The following CCDC92 variants were observed in gnomAD, a reference collection of about 807,000 sequenced individuals.
CCDC92 encodes coiled-coil domain containing 92, also known as coiled-coil domain-containing protein 92.
In CCDC92, 12 loss-of-function variants were observed where a neutral mutation model predicts 24.9. The ratio of observed to expected loss-of-function variants is 0.48; its 90% confidence interval spans 0.31 to 0.78. The LOEUF is 0.78. CCDC92 is among the 30% of genes least tolerant of loss of function. The pLI, the probability that CCDC92 is intolerant of heterozygous loss-of-function variation, is 0.05. For missense variants in CCDC92, 399 were observed against 439.4 expected (o/e 0.91, Z 0.82); for synonymous variants, 193 against 196.3 (o/e 0.98, Z 0.14).
intron 1 of CCDC92, among the ~76,000 whole-genome samples, chr12:123,952,112 C>T (rs1277076752): frequency 6.6e-6 from 1 of 152,178 alleles, no homozygotes; most frequent in East Asian, 1.9e-4. Flanking sequence ...GTGCTAAAAG[C>T]AACCAGGACG....
intron 1 of CCDC92, 45 bp from the exon 2 acceptor site, chr12:123,944,409 A>C: frequency 9.5e-7 from 1 of 1,053,676 alleles, no homozygotes; most frequent in Non-Finnish European, 1.3e-6. Context: ...TATTATTGTA[A>C]ATACAGAACC....
chr12:123,937,447 G>A lies in CCDC92; in HGVS notation c.607C>T (p.Arg203Cys), dbSNP rs1470526730. Reference sequence around the variant, plus strand: ...GAGAGGCTCTTTTTCATGCGGCGGCGAGGCGTTTCGGGTAGCTTGTCTTTG... The same window carrying A: ...GAGAGGCTCTTTTTCATGCGGCGGCAAGGCGTTTCGGGTAGCTTGTCTTTG... ...PPKDKLPETP[R>C]RRMKKSLSAP... The change falls in exon 5 of 5, where the codon CGC becomes TGC. Residue 203 changes from arginine (R) to cysteine (C), a missense_variant. By Grantham distance (180) the Arg-to-Cys change is radical. Transcript: ENST00000238156. The surrounding 1 kb of genome is among the most constrained non-coding windows in gnomAD (Gnocchi z 8.4). 6 of 1,613,498 alleles carry A rather than the reference G, an allele frequency of 3.7e-6. No homozygotes were observed. The highest frequency in any genetic ancestry group is 1.1e-5 in the South Asian group (1 of 91,072).
chr12:123,948,055 G>A (rs752239072), intron 1 of CCDC92, among the ~76,000 whole-genome samples: 7 of 152,104 alleles, frequency 4.6e-5, no homozygotes, highest in Non-Finnish European at 1.0e-4. Context: ...GAGGGTCTGC[G>A]GCTTCATTCT....
chr12:123,947,381 C>G (rs879809711), intron 1 of CCDC92, among the ~76,000 whole-genome samples: 4 of 152,238 alleles, frequency 2.6e-5, no homozygotes, highest in African/African-American at 9.6e-5. Context: ...GCTCCACCTG[C>G]AGCCCCGGTG....
At chr12:123,971,588 A>G (rs1956538231) in intron 1 of CCDC92, 1 of 152,228 alleles carries the variant, frequency 6.6e-6, no homozygotes, top group Non-Finnish European at 1.5e-5. Flanking sequence ...TTTGTTATAA[A>G]ACCGACTACT....
chr12:123,939,210 C>T (rs1167129596), intron 4 of CCDC92, among the ~76,000 whole-genome samples: 2 of 152,234 alleles, frequency 1.3e-5, no homozygotes, highest in African/African-American at 4.8e-5. Context: ...AACTCCACCA[C>T]CCAGGGCCTG....
chr12:123,945,664 TC>T (rs1566155022), intron 1 of CCDC92: 1 of 152,114 alleles, frequency 6.6e-6, no homozygotes, highest in East Asian at 1.9e-4. Context: ...CACTCAGCAA[TC>T]CGGAGTCGTT....
At chr12:123,947,351 C>T (rs549878076) in intron 1 of CCDC92, among the ~76,000 whole-genome samples, 248 of 152,322 alleles carry the variant, frequency 1.6e-3, no homozygotes, top group African/African-American at 5.7e-3. Context: ...TGCAAACGTA[C>T]GGCGCGGGAC....
rs767440353 is a variant in CCDC92, at chr12:123,937,276, C to A, written c.778G>T (p.Glu260Ter). 6.2e-7 allele frequency: 1 copy of A among 1,612,654 alleles called. No individual in the cohort carries two copies. ...ATGGGGGGGATGACGAGGGGCCTCT[C>A]TTTGATGAGGTGGACCTCGGCGGAC... ...RESAEVHLIK[E>*]RPLVIPPIAS... Residue 260 changes from glutamate (E) to a stop codon, truncating the protein, a stop_gained, in exon 5 of 5, where the codon GAG (glutamate) becomes TAG (stop). Coordinates refer to ENST00000238156, the MANE Select transcript of CCDC92 (RefSeq NM_025140.3). LOFTEE classifies it high-confidence loss of function. This position sits in a 1 kb window ranked among gnomAD's most constrained non-coding sequence, Gnocchi z 8.4.
intron 1 of CCDC92, among the ~76,000 whole-genome samples, chr12:123,955,316 T>C (rs1594486870): frequency 6.6e-6 from 1 of 152,234 alleles, no homozygotes; most frequent in East Asian, 1.9e-4. Flanking sequence ...GGTCTTTCCA[T>C]TTCCACCTCA....
chr12:123,964,564 G>T (rs1956347358), intron 1 of CCDC92, among the ~76,000 whole-genome samples: 1 of 152,130 alleles, frequency 6.6e-6, no homozygotes, highest in Non-Finnish European at 1.5e-5. Context: ...TTGGGAGTGG[G>T]GGTGGGGCAC....
chr12:123,958,539 C>A (rs1052404374), intron 1 of CCDC92, among the ~76,000 whole-genome samples: 1 of 152,240 alleles, frequency 6.6e-6, no homozygotes, highest in Admixed American at 6.5e-5. Context: ...ACTCTCATGG[C>A]AGCTCTGGGA....
At position 123,935,698 on chromosome 12, in the gene CCDC92, G is replaced by A. The variant is rs1218142223; in HGVS notation, c.*1360C>T. The stretch of plus-strand genomic sequence containing the variant: ...TAAAAGGAATTTATATAATCAAAAA[G>A]TAAATATTGGAGAGTATTTTAAGAT... On this transcript the variant is annotated 3_prime_UTR_variant, in exon 5 of 5. Transcript: ENST00000238156. 2 of 457,694 alleles carry A rather than the reference G, an allele frequency of 4.4e-6. No homozygotes were observed. Among genetic ancestry groups the A allele is most frequent in the Non-Finnish European group, 7.5e-6 (2 of 265,970 alleles). 28.4% of individuals were successfully genotyped at this position (457,694 alleles called of 1,614,324 possible). A position where few individuals can be genotyped will look rare whatever the true frequency, so the allele number is the denominator to read the frequency against.
chr12:123,953,932 G>A (rs557949010), intron 1 of CCDC92, among the ~76,000 whole-genome samples: 2 of 152,276 alleles, frequency 1.3e-5, no homozygotes, highest in Admixed American at 1.3e-4. Context: ...CTCCAGCCTG[G>A]GCAACAAGAG....
chr12:123,948,306 G>A (rs78690239), intron 1 of CCDC92, among the ~76,000 whole-genome samples: 3,032 of 152,264 alleles, frequency 0.02, 103 homozygotes, highest in African/African-American at 0.069. Context: ...ATCATAGTGT[G>A]GTATTACATT....
At chr12:123,969,010 G>T (rs1326195664) in intron 1 of CCDC92, among the ~76,000 whole-genome samples, 3 of 152,184 alleles carry the variant, frequency 2.0e-5, no homozygotes, top group Non-Finnish European at 2.9e-5. Flanking sequence ...TGGGCACTCT[G>T]GTGTTCACAG....
chr12:123,939,550 G>A (rs1231129532), intron 4 of CCDC92, among the ~76,000 whole-genome samples: 1 of 152,232 alleles, frequency 6.6e-6, no homozygotes, highest in African/African-American at 2.4e-5. Flanking sequence ...AAGTCGAGGA[G>A]TGTACTGAAT....
In CCDC92 at chr12:123,936,552, G is replaced by A. The variant is rs146013895; in HGVS notation, c.*506C>T. Reference sequence around the variant, plus strand: ...CCTTGAGATACACGCACGGCTGCTCGGTGATCGGTGCCGCCCTGGGAAAGG... The same window carrying A: ...CCTTGAGATACACGCACGGCTGCTCAGTGATCGGTGCCGCCCTGGGAAAGG... On this transcript the variant is annotated 3_prime_UTR_variant, in exon 5 of 5. Coordinates refer to ENST00000238156, the MANE Select transcript of CCDC92 (RefSeq NM_025140.3). The A allele has an allele frequency of 3.0e-3, 500 of 166,760 alleles. 2 individuals carry two copies. Among genetic ancestry groups the A allele is most frequent in the South Asian group, 8.9e-3 (54 of 6,052 alleles). 10.3% of individuals were successfully genotyped at this position (166,760 alleles called of 1,614,324 possible). A position where few individuals can be genotyped will look rare whatever the true frequency, so the allele number is the denominator to read the frequency against.
intron 1 of CCDC92, among the ~76,000 whole-genome samples, chr12:123,948,340 G>T (rs1482530283): frequency 6.6e-6 from 1 of 152,190 alleles, no homozygotes; most frequent in African/African-American, 2.4e-5. Flanking sequence ...ATTTAAATAT[G>T]ATTTAGTAAG....
Sources: gnomAD v4.1 joint callset for allele counts (sites outside exome capture counted in the v4.1 genomes callset) on GRCh38, gnomAD v4.1.1 for gene constraint, Gnocchi (gnomAD v3.1) non-coding constraint, MANE v1.5 for transcripts, NCBI Gene and HGNC (gene_info 2026-07-23, HGNC 2026-07-21) for gene names.